LOC128462377: variants seen among roughly 807,000 people sequenced by gnomAD.
chr16:89,387,583 G>A, the LOC128462377 span, among the ~76,000 whole-genome samples: 2 of 150,896 alleles, frequency 1.3e-5, no homozygotes, highest in Non-Finnish European at 2.9e-5. Flanking sequence ...TGAGGCAGGA[G>A]AATGGCGGGA....
chr16:89,337,380 T>A, the LOC128462377 span, among the ~76,000 whole-genome samples: 3 of 150,508 alleles, frequency 2.0e-5, no homozygotes, highest in East Asian at 5.9e-4. Flanking sequence ...TCACAGTTTT[T>A]GTCACTGTTA....
the LOC128462377 span, among the ~76,000 whole-genome samples, chr16:89,335,934 T>A: frequency 6.6e-6 from 1 of 152,198 alleles, no homozygotes; most frequent in African/African-American, 2.4e-5. Flanking sequence ...TGCTGAGGCA[T>A]CCGCCGCAAA....
chr16:89,370,679 C>T, the LOC128462377 span: 1 of 152,468 alleles, frequency 6.6e-6, no homozygotes, highest in South Asian at 2.1e-4. Flanking sequence ...ACCCACCTGG[C>T]CTTGTTCCTC....
At chr16:89,388,315 T>TTTTTTTTTTTA in the LOC128462377 span, among the ~76,000 whole-genome samples, 2 of 145,398 alleles carry the variant, frequency 1.4e-5, no homozygotes, top group Non-Finnish European at 3.0e-5. Flanking sequence ...TTTTTTTTTT[T>TTTTTTTTTTTA]GAGACGGAGT....
chr16:89,334,223 C>G, the LOC128462377 span, among the ~76,000 whole-genome samples: 2 of 150,402 alleles, frequency 1.3e-5, no homozygotes, highest in African/African-American at 4.9e-5. Flanking sequence ...GCTGCGGGCT[C>G]AGGACAATGT....
At chr16:89,384,532 ATGGGAC>A in the LOC128462377 span, among the ~76,000 whole-genome samples, 2 of 125,268 alleles carry the variant, frequency 1.6e-5, no homozygotes, top group African/African-American at 3.0e-5. Context: ...ACAGGATGGG[ATGGGAC>A]TGGGATGGGA....
At chr16:89,370,364 C>A in the LOC128462377 span, among the ~76,000 whole-genome samples, 2 of 152,164 alleles carry the variant, frequency 1.3e-5, no homozygotes, top group African/African-American at 2.4e-5. Context: ...GACAGGCGTG[C>A]CCGGTACCTG....
the LOC128462377 span, among the ~76,000 whole-genome samples, chr16:89,365,907 G>A: frequency 6.6e-6 from 1 of 151,946 alleles, no homozygotes; most frequent in African/African-American, 2.4e-5. Flanking sequence ...GTCCCTCTCT[G>A]TGTCCACGTG....
At chr16:89,398,545 C>CAT in the LOC128462377 span, among the ~76,000 whole-genome samples, 1 of 152,132 alleles carries the variant, frequency 6.6e-6, no homozygotes, top group Non-Finnish European at 1.5e-5. Context: ...AGGGAGACCC[C>CAT]ATCTCTTAAA....
chr16:89,389,581 G>T, the LOC128462377 span, among the ~76,000 whole-genome samples: 1 of 152,268 alleles, frequency 6.6e-6, no homozygotes, highest in Non-Finnish European at 1.5e-5. Context: ...TGAAGATGAC[G>T]CTGTGTGAGA....
At chr16:89,345,840 A>G in the LOC128462377 span, among the ~76,000 whole-genome samples, 2 of 152,218 alleles carry the variant, frequency 1.3e-5, no homozygotes, top group African/African-American at 4.8e-5. Flanking sequence ...GCCAGAATGC[A>G]TTCCAGGAGG....
chr16:89,388,239 T>C, the LOC128462377 span, among the ~76,000 whole-genome samples: 1 of 149,430 alleles, frequency 6.7e-6, no homozygotes, highest in Non-Finnish European at 1.5e-5. Flanking sequence ...GCAATCACCC[T>C]GCTCCAGGGC....
the LOC128462377 span, among the ~76,000 whole-genome samples, chr16:89,404,556 G>C: frequency 6.6e-6 from 1 of 152,242 alleles, no homozygotes; most frequent in Non-Finnish European, 1.5e-5. Context: ...AGGAAAAGCT[G>C]CTTTTGAAAA....
chr16:89,364,876 C>T, the LOC128462377 span, among the ~76,000 whole-genome samples: 1,404 of 152,284 alleles, frequency 9.2e-3, 7 homozygotes, highest in African/African-American at 0.015. Context: ...CAGCCTGGCA[C>T]GCAGATGGCC....
chr16:89,362,318 G>A, the LOC128462377 span, among the ~76,000 whole-genome samples: 1 of 152,238 alleles, frequency 6.6e-6, no homozygotes, highest in Admixed American at 6.5e-5. Flanking sequence ...CTGCCTGAGT[G>A]AAACCTCACG....
the LOC128462377 span, among the ~76,000 whole-genome samples, chr16:89,344,335 G>T: frequency 1.3e-5 from 2 of 152,160 alleles, no homozygotes; most frequent in African/African-American, 4.8e-5. Context: ...AAAGAGACAG[G>T]AGCTGCAACC....
At chr16:89,352,527 TG>T in the LOC128462377 span, among the ~76,000 whole-genome samples, 1 of 152,198 alleles carries the variant, frequency 6.6e-6, no homozygotes, top group East Asian at 1.9e-4. Flanking sequence ...CTCAACACAG[TG>T]AGCGAGCCCT....
At chr16:89,333,224 A>C in the LOC128462377 span, among the ~76,000 whole-genome samples, 1 of 152,222 alleles carries the variant, frequency 6.6e-6, no homozygotes, top group Non-Finnish European at 1.5e-5. Context: ...ACAGACACTG[A>C]AAATAAAACA....
At chr16:89,406,956 G>A in the LOC128462377 span, among the ~76,000 whole-genome samples, 1 of 152,114 alleles carries the variant, frequency 6.6e-6, no homozygotes, top group African/African-American at 2.4e-5. Flanking sequence ...GGGGAAGGGG[G>A]AGCAGATCAC....
Sources: gnomAD v4.1 joint callset for allele counts (sites outside exome capture counted in the v4.1 genomes callset) on GRCh38, gnomAD v4.1.1 for gene constraint, MANE v1.5 for transcripts.